Variants in ZNF343 observed in about 807,000 individuals in gnomAD.
The protein encoded by ZNF343 is zinc finger protein 343.
ZNF343 carries 11 observed loss-of-function variants against 13.8 expected under a neutral mutation model. The observed-to-expected ratio is 0.80, with a 90% CI of 0.50 to 1.32. ZNF343 has a LOEUF of 1.32. Ranked by LOEUF, ZNF343 falls within the 40% of genes most tolerant of loss-of-function variation. The pLI, the probability that ZNF343 is intolerant of heterozygous loss-of-function variation, is 0.00. For synonymous variants in ZNF343, 248 were observed against 260.0 expected (o/e 0.95, Z 0.44); for missense variants, 658 against 714.2 (o/e 0.92, Z 0.90).
intron 2 of ZNF343, among the ~76,000 whole-genome samples, chr20:2,498,461 A>G (rs982076658): frequency 3.3e-5 from 5 of 152,236 alleles, no homozygotes; most frequent in South Asian, 4.1e-4. Context: ...GACTAAATCA[A>G]TAGGAGTTCA....
chr20:2,502,580 C>T (rs1369732001), intron 1 of ZNF343, among the ~76,000 whole-genome samples: 1 of 152,012 alleles, frequency 6.6e-6, no homozygotes, highest in Non-Finnish European at 1.5e-5. Flanking sequence ...GGGTTACCCA[C>T]AAAGGGAAGC....
chr20:2,492,642 A>G, intron 5 of ZNF343, 57 bp downstream of exon 5: 1 of 1,582,546 alleles, frequency 6.3e-7, no homozygotes, highest in Non-Finnish European at 8.6e-7. Context: ...GGTACATATT[A>G]GGTGATCAGT....
intron 5 of ZNF343, among the ~76,000 whole-genome samples, chr20:2,485,036 T>G (rs2085261047): frequency 6.6e-6 from 1 of 152,110 alleles, no homozygotes; most frequent in African/African-American, 2.4e-5. Flanking sequence ...CTTTTCTTAT[T>G]ATATAAAAAA....
In ZNF343 at chr20:2,518,249, TCAGA is replaced by T. The variant is rs1254588442; in HGVS notation, c.-347+6202_-347+6205del. Among the ~76,000 whole-genome samples, 15 of 152,294 alleles carry T rather than the reference TCAGA, an allele frequency of 9.8e-5. No individual in the cohort carries two copies. The highest frequency in any genetic ancestry group is 2.9e-4 in the African/African-American group (12 of 41,566). ...CCAGGCTTGTCTTGAACTCCTGAAC[TCAGA>T]CAGTTTGCCGACCTTGGCCTCCCAG... is the stretch of plus-strand genomic sequence containing the variant. On this transcript the variant is annotated intron_variant, in intron 1 of 6. Coordinates refer to the ZNF343 transcript ENST00000358413. This position sits in a 1 kb window ranked among gnomAD's most constrained non-coding sequence, Gnocchi z 4.6.
At chr20:2,488,024 A>C (rs1466647955) in intron 5 of ZNF343, among the ~76,000 whole-genome samples, 4 of 152,166 alleles carry the variant, frequency 2.6e-5, no homozygotes, top group Non-Finnish European at 5.9e-5. Context: ...CTTCTCTTTG[A>C]ATTTTAAGAT....
rs1001059623 is a variant in ZNF343, at chr20:2,481,968, G to C, written c.*1193C>G. ...TTTCCTGAAAATCCCTCAGAGGTGA[G>C]TGAGGTAGTGACTTGGGGTAGCAAG... On this transcript the variant is annotated 3_prime_UTR_variant, in exon 6 of 6. Coordinates refer to ENST00000278772, the MANE Select transcript of ZNF343 (RefSeq NM_024325.6). 2 of 152,316 alleles carry C rather than the reference G, an allele frequency of 1.3e-5. No individual in the cohort carries two copies. Among genetic ancestry groups the C allele is most frequent in the East Asian group, 1.9e-4 (1 of 5,176 alleles). The allele number at this position is 152,316 out of a possible 1,614,324, so 9.4% of individuals were successfully genotyped here. A position where few individuals can be genotyped will look rare whatever the true frequency, so the allele number is the denominator to read the frequency against.
chr20:2,483,919 A>C lies in ZNF343; in HGVS notation c.1042T>G (p.Ser348Ala), dbSNP rs746863159. The change falls in exon 6 of 6, where the codon TCA becomes GCA. Residue 348 changes from serine to alanine, a missense_variant. Physicochemically the swap from Ser to Ala is moderately conservative, Grantham distance 99. Transcript: ENST00000278772. Reference protein sequence around the residue: ...SILNRHQWTHSEEKPYVCSEC... With the variant: ...SILNRHQWTHAEEKPYVCSEC... ...CTGCAAACATAGGGCTTCTCCTCTG[A>C]GTGAGTCCACTGATGTCTATTGAGG... is the stretch of plus-strand genomic sequence containing the variant. 11 of 1,614,084 alleles carry C rather than the reference A, an allele frequency of 6.8e-6. No individual in the cohort carries two copies. Among genetic ancestry groups the C allele is most frequent in the South Asian group, 1.1e-5 (1 of 91,086 alleles).
rs779601636 is a variant in ZNF343 at position 2,484,408 on chromosome 20, C to T, written c.553G>A (p.Glu185Lys). The change falls in exon 6 of 6, where the codon GAG becomes AAG. Residue 185 changes from glutamate to lysine, a missense_variant. Physicochemically the swap from Glu to Lys is moderately conservative, Grantham distance 56. Transcript: ENST00000278772. ...AATGCCCTTGAGGTTTCTCTCTCCT[C>T]TGTCCTTGCAGACCAGGGTTTGGAG... The part of the protein sequence containing the change: ...GGSKPWSART[E>K]ERETSRAFPS... 24 of 1,614,122 alleles carry T rather than the reference C, an allele frequency of 1.5e-5. No individual in the cohort carries two copies. Among genetic ancestry groups the T allele is most frequent in the Non-Finnish European group, 1.9e-5 (23 of 1,180,048 alleles).
In ZNF343 at chr20:2,493,876, G is replaced by A. The variant is rs1316058090; in HGVS notation, c.20C>T (p.Ser7Leu). MMLPYPSALGDQYWEEI... is the reference protein window; with the variant it reads MMLPYPLALGDQYWEEI... ...TTCCCAGTATTGATCTCCCAGTGCT[G>A]AAGGATAAGGCAACATCATGGCGCC... Residue 7 changes from serine to leucine, a missense_variant, in exon 3 of 6, where the codon TCA (serine) becomes TTA (leucine). Coordinates refer to ENST00000278772, the MANE Select transcript of ZNF343 (RefSeq NM_024325.6). 1.2e-6 allele frequency: 2 copies of A among 1,613,652 alleles called. No individual in the cohort carries two copies. Among genetic ancestry groups the A allele is most frequent in the East Asian group, 4.5e-5 (2 of 44,870 alleles).
chr20:2,522,214 G>T (rs2085785616), intron 1 of ZNF343, among the ~76,000 whole-genome samples: 2 of 152,174 alleles, frequency 1.3e-5, no homozygotes, highest in Non-Finnish European at 2.9e-5. Flanking sequence ...TGACTACATG[G>T]AGTCTAATTC....
intron 1 of ZNF343, among the ~76,000 whole-genome samples, chr20:2,514,729 T>A (rs186302688): frequency 1.0e-3 from 159 of 152,238 alleles, no homozygotes; most frequent in Middle Eastern, 0.01. Context: ...CGTCTGTAGT[T>A]CCAGCACTTT....
Position 2,507,520 on chromosome 20 carries a change from A to G in ZNF343, c.-237+1361T>C, listed in dbSNP as rs190637718. ...TATACCAGAGGCAATTCCAGACACC[A>G]TGCAAGTTTTACCTCCCCAAAGCTC... is the stretch of plus-strand genomic sequence containing the variant. On this transcript the variant is annotated intron_variant, in intron 1 of 5. Coordinates refer to ENST00000278772, the MANE Select transcript of ZNF343 (RefSeq NM_024325.6). Among the ~76,000 whole-genome samples, 414 of 152,266 alleles carry G rather than the reference A, an allele frequency of 2.7e-3. 2 individuals carry two copies. Among genetic ancestry groups the G allele is most frequent in the African/African-American group, 9.7e-3 (403 of 41,548 alleles).
intron 1 of ZNF343, among the ~76,000 whole-genome samples, chr20:2,505,697 T>A (rs1180377079): frequency 6.6e-6 from 1 of 152,168 alleles, no homozygotes; most frequent in Non-Finnish European, 1.5e-5. Context: ...GGGGAAAGGA[T>A]TCCCTATTTA....
In ZNF343 at chr20:2,484,174, G is replaced by C; in HGVS notation, c.787C>G (p.Leu263Val). Reference sequence around the variant, plus strand: ...CAAATGTAGGGCTTCTTCCCTAAGAGGGTCCTCGGGTTTGTAATAAAGTTT... The same window carrying C: ...CAAATGTAGGGCTTCTTCCCTAAGACGGTCCTCGGGTTTGTAATAAAGTTT... ...ESNFITNPRTLLGKKPYICSD... is the reference protein window; with the variant it reads ...ESNFITNPRTVLGKKPYICSD... The change falls in exon 6 of 6, where the codon CTC becomes GTC. Residue 263 changes from leucine to valine, a missense_variant. Transcript: ENST00000278772. 1 of 1,614,246 alleles carries C rather than the reference G, an allele frequency of 6.2e-7. No individual in the cohort carries two copies. Among genetic ancestry groups the C allele is most frequent in the Non-Finnish European group, 8.5e-7 (1 of 1,180,040 alleles).
chr20:2,496,329 G>A (rs138474101), intron 2 of ZNF343, among the ~76,000 whole-genome samples: 1 of 152,334 alleles, frequency 6.6e-6, no homozygotes, highest in Non-Finnish European at 1.5e-5. Context: ...TAGGGCAGGA[G>A]TGAGCCCTGC....
chr20:2,492,995 T>G (rs1600049083), intron 4 of ZNF343, 170 bp from the exon 5 acceptor site: 1 of 827,286 alleles, frequency 1.2e-6, no homozygotes, highest in African/African-American at 1.7e-5. Flanking sequence ...CCTGGCTTTC[T>G]GTTAAAACCT....
rs1170242710 is a variant in ZNF343, at chr20:2,491,421, T to G, written c.304+1278A>C. On this transcript the variant is annotated intron_variant, in intron 5 of 5. Transcript: ENST00000278772. ...TGTAAAAATGTGGTTACTAGGAAATTTAAACTTACCTATGTGGCTCACATT... is the reference window on the plus strand; with the variant it reads ...TGTAAAAATGTGGTTACTAGGAAATGTAAACTTACCTATGTGGCTCACATT... 2.6e-5 allele frequency among the ~76,000 whole-genome samples: 4 copies of G among 152,184 alleles called. No individual in the cohort carries two copies. The East Asian group carries it at 7.7e-4, about 29-fold the overall frequency.
intron 1 of ZNF343, among the ~76,000 whole-genome samples, chr20:2,502,775 C>T (rs1257534262): frequency 6.6e-6 from 1 of 152,174 alleles, no homozygotes; most frequent in Admixed American, 6.5e-5. Context: ...GAGATTTGGT[C>T]ACCACCAGGC....
chr20:2,506,156 A>G (rs1297479302), intron 1 of ZNF343, among the ~76,000 whole-genome samples: 1 of 152,244 alleles, frequency 6.6e-6, no homozygotes, highest in Non-Finnish European at 1.5e-5. Flanking sequence ...ACACTTCTCA[A>G]AAGAAGACAT....
Sources: gnomAD v4.1 joint callset for allele counts (sites outside exome capture counted in the v4.1 genomes callset) on GRCh38, gnomAD v4.1.1 for gene constraint, Gnocchi (gnomAD v3.1) non-coding constraint, MANE v1.5 for transcripts, NCBI Gene and HGNC (gene_info 2026-07-23, HGNC 2026-07-21) for gene names.